ZNF503: variants seen among roughly 807,000 people sequenced by gnomAD.
ZNF503 encodes the protein zinc finger protein 503, also known as NocA-like zinc finger 2.
Under a neutral mutation model 34.4 loss-of-function variants are expected in ZNF503, and 15 were observed. That is an observed-to-expected ratio of 0.44 (90% CI 0.29 to 0.67). The LOEUF (loss-of-function observed/expected upper bound fraction) is 0.67, where lower values mean the gene tolerates loss of function less well. Among genes scored for constraint, ZNF503 ranks in the 30% least tolerant of loss-of-function variants. The probability of loss-of-function intolerance (pLI) is 0.13; values close to 1 mark genes in which losing one functional copy is unlikely to be tolerated. For missense variants in ZNF503, 1,007 were observed against 926.8 expected (o/e 1.09, Z -1.12); for synonymous variants, 580 against 456.8 (o/e 1.27, Z -3.44).
At chr10:75,313,371 C>T in the ZNF503 span, among the ~76,000 whole-genome samples, 1 of 152,192 alleles carries the variant, frequency 6.6e-6, no homozygotes, top group Non-Finnish European at 1.5e-5. Flanking sequence ...ACCCCTCCCA[C>T]AAGGTAGCAC....
downstream of ZNF503, among the ~76,000 whole-genome samples, chr10:75,396,568 A>G (rs1404163278): frequency 6.6e-6 from 1 of 152,186 alleles, no homozygotes; most frequent in Non-Finnish European, 1.5e-5. This position sits in a 1 kb window ranked among gnomAD's most constrained non-coding sequence, Gnocchi z 4.4. Context: ...TGTCGGACGC[A>G]GGCGAGAGGC....
At chr10:75,292,411 AACTC>A in the ZNF503 span, among the ~76,000 whole-genome samples, 1 of 152,208 alleles carries the variant, frequency 6.6e-6, no homozygotes, top group Non-Finnish European at 1.5e-5. Flanking sequence ...AGGCTTGACT[AACTC>A]TATGGACTGG....
At chr10:75,360,888 A>C in the ZNF503 span, 1 of 152,348 alleles carries the variant, frequency 6.6e-6, no homozygotes, top group East Asian at 1.9e-4. Context: ...CATACCTTAG[A>C]GTGAGAAGAT....
chr10:75,375,835 A>G, the ZNF503 span, among the ~76,000 whole-genome samples: 647 of 152,288 alleles, frequency 4.2e-3, 6 homozygotes, highest in African/African-American at 0.015. Flanking sequence ...TTTCAAGGTG[A>G]GTAAAGGATC....
At chr10:75,384,573 C>T in the ZNF503 span, among the ~76,000 whole-genome samples, 3 of 152,122 alleles carry the variant, frequency 2.0e-5, no homozygotes, top group Admixed American at 6.5e-5. Flanking sequence ...TCCCTTGCCA[C>T]ATCCTCACTC....
chr10:75,384,948 C>T, the ZNF503 span, among the ~76,000 whole-genome samples: 73 of 152,310 alleles, frequency 4.8e-4, no homozygotes, highest in African/African-American at 1.6e-3. Flanking sequence ...AAAGGGAACT[C>T]GGACACCTTT....
the ZNF503 span, among the ~76,000 whole-genome samples, chr10:75,389,167 G>A: frequency 2.6e-5 from 4 of 152,172 alleles, no homozygotes; most frequent in African/African-American, 9.7e-5. Context: ...GAGATGGAGA[G>A]ACACACAGAG....
At chr10:75,295,136 C>T in the ZNF503 span, among the ~76,000 whole-genome samples, 5 of 151,958 alleles carry the variant, frequency 3.3e-5, no homozygotes, top group South Asian at 1.0e-3. The surrounding 1 kb of genome is among the most constrained non-coding windows in gnomAD (Gnocchi z 4.0). Flanking sequence ...GAGGCGGGCT[C>T]CGGGCCCTTC....
chr10:75,303,209 C>T, the ZNF503 span, among the ~76,000 whole-genome samples: 4 of 152,196 alleles, frequency 2.6e-5, no homozygotes, highest in African/African-American at 9.7e-5. Flanking sequence ...CTCCTCCAAG[C>T]CATTTCATAG....
chr10:75,333,545 G>C, the ZNF503 span, among the ~76,000 whole-genome samples: 1 of 59,354 alleles, frequency 1.7e-5, no homozygotes, highest in Non-Finnish European at 3.2e-5. Flanking sequence ...GGGCAGAGGC[G>C]CCCCTCACCT....
the ZNF503 span, among the ~76,000 whole-genome samples, chr10:75,357,281 G>A: frequency 6.6e-6 from 1 of 151,954 alleles, no homozygotes; most frequent in Non-Finnish European, 1.5e-5. Context: ...ACTTTGGGGG[G>A]CAGAGCTTTG....
At chr10:75,360,133 T>C in the ZNF503 span, among the ~76,000 whole-genome samples, 3 of 147,182 alleles carry the variant, frequency 2.0e-5, no homozygotes, top group East Asian at 2.0e-4. Flanking sequence ...TTTTTTTTTT[T>C]TTTTTGAGAC....
chr10:75,379,749 G>A, the ZNF503 span, among the ~76,000 whole-genome samples: 1 of 152,366 alleles, frequency 6.6e-6, no homozygotes, highest in East Asian at 1.9e-4. Context: ...TATTTAGACA[G>A]TGAAGTCACT....
chr10:75,304,133 G>T, the ZNF503 span, among the ~76,000 whole-genome samples: 1 of 152,214 alleles, frequency 6.6e-6, no homozygotes, highest in Non-Finnish European at 1.5e-5. Context: ...CACGCCTTTT[G>T]GCCAAAGCAA....
the ZNF503 span, among the ~76,000 whole-genome samples, chr10:75,295,889 G>A: frequency 6.6e-6 from 1 of 152,110 alleles, no homozygotes; most frequent in Admixed American, 6.5e-5. The surrounding 1 kb of genome is among the most constrained non-coding windows in gnomAD (Gnocchi z 4.0). Flanking sequence ...GGGGGAGAGA[G>A]AGAGACAAAG....
the ZNF503 span, among the ~76,000 whole-genome samples, chr10:75,280,514 G>A: frequency 6.6e-6 from 1 of 151,900 alleles, no homozygotes; most frequent in East Asian, 1.9e-4. Flanking sequence ...TCTCCCTGGA[G>A]ATGATTGTGG....
chr10:75,401,462 G>T lies in ZNF503; in HGVS notation c.-43C>A, dbSNP rs1488280723. ...GGGAGCAGCGGGGGGGAGGGCTCCG[G>T]GAGGCGCGGGGCGGGCTCGGGGCTG... On this transcript the variant is annotated 5_prime_UTR_variant, in exon 1 of 2. Coordinates refer to ENST00000372524, the MANE Select transcript of ZNF503 (RefSeq NM_032772.6). The T allele has an allele frequency of 5.3e-6, 8 of 1,506,690 alleles. No homozygotes were observed. The highest frequency in any genetic ancestry group is 7.0e-6 in the Non-Finnish European group (8 of 1,136,008). 93.3% of individuals were successfully genotyped at this position (1,506,690 alleles called of 1,614,324 possible).
At chr10:75,355,393 T>A in the ZNF503 span, among the ~76,000 whole-genome samples, 1 of 152,210 alleles carries the variant, frequency 6.6e-6, no homozygotes, top group African/African-American at 2.4e-5. Flanking sequence ...TGCATCAAGC[T>A]TGCCACTTAT....
At chr10:75,338,804 G>C in the ZNF503 span, among the ~76,000 whole-genome samples, 28 of 152,198 alleles carry the variant, frequency 1.8e-4, no homozygotes, top group Non-Finnish European at 1.2e-4. Context: ...CACACAGATT[G>C]GGCACCAGCG....
Sources: gnomAD v4.1 joint callset for allele counts (sites outside exome capture counted in the v4.1 genomes callset) on GRCh38, gnomAD v4.1.1 for gene constraint, Gnocchi (gnomAD v3.1) non-coding constraint, MANE v1.5 for transcripts, NCBI Gene and HGNC (gene_info 2026-07-23, HGNC 2026-07-21) for gene names.